The following ALDH1A2 variants were observed in gnomAD, a reference collection of about 807,000 sequenced individuals.
ALDH1A2 encodes the protein aldehyde dehydrogenase 1 family member A2.
Under a neutral mutation model 60.3 loss-of-function variants are expected in ALDH1A2, and 27 were observed. The observed-to-expected ratio is 0.45, with a 90% CI of 0.33 to 0.62. The LOEUF is 0.62. Ranked by LOEUF, ALDH1A2 falls within the 20% of genes least tolerant of loss-of-function variation. The pLI is 0.02. For missense variants in ALDH1A2, 581 were observed against 643.8 expected (o/e 0.90, Z 1.06); for synonymous variants, 289 against 232.4 (o/e 1.24, Z -2.21).
rs748689904 is a variant in ALDH1A2 at position 58,065,588 on chromosome 15, C to G, written c.63G>C (p.Ala21=). 25 of 1,612,886 alleles carry G rather than the reference C, an allele frequency of 1.6e-5. No homozygotes were observed. The highest frequency in any genetic ancestry group is 2.0e-5 in the Non-Finnish European group (24 of 1,179,440). Residue 21 remains alanine (A), a synonymous_variant, in exon 1 of 13, where the codon GCG becomes GCC. Transcript: ENST00000249750. ...EVKADPAALM[A]SLHLLPSPTP... is the part of the protein sequence containing the mutation. ...TGGGCGACGGCAGGAGGTGCAGCGA[C>G]GCCATGAGGGCGGCGGGGTCGGCCT...
At chr15:57,987,549 T>G (rs901762670) in intron 7 of ALDH1A2, among the ~76,000 whole-genome samples, 4 of 152,108 alleles carry the variant, frequency 2.6e-5, no homozygotes, top group African/African-American at 7.2e-5. Flanking sequence ...AACTGTCACA[T>G]TAGAATTTTA....
intron 3 of ALDH1A2, 106 bp from the exon 4 acceptor site, chr15:58,010,884 G>A: frequency 7.3e-7 from 1 of 1,378,986 alleles, no homozygotes; most frequent in Non-Finnish European, 1.0e-6. Context: ...AAATGCATAT[G>A]GAGTTGCATA....
At position 58,008,966 on chromosome 15, in the gene ALDH1A2, T is replaced by C. The variant is rs142277153; in HGVS notation, c.493+1683A>G. ...TAGAGTCAGAACTGAACTAAGATTC[T>C]GACTTTCCCCAAGGGCAATCTTCTC... On this transcript the variant is annotated intron_variant, in intron 4 of 12. Transcript: ENST00000249750. Among the ~76,000 whole-genome samples, 583 of 152,258 alleles carry C rather than the reference T, an allele frequency of 3.8e-3. 5 individuals carry two copies. Among genetic ancestry groups the C allele is most frequent in the African/African-American group, 0.013 (542 of 41,568 alleles).
At chr15:57,959,794 C>T (rs1248265779) in intron 12 of ALDH1A2, among the ~76,000 whole-genome samples, 1 of 152,142 alleles carries the variant, frequency 6.6e-6, no homozygotes, top group Non-Finnish European at 1.5e-5. Context: ...CCAAGCTATA[C>T]CTACTTTATA....
chr15:57,967,927 C>A (rs1234218088), intron 7 of ALDH1A2, among the ~76,000 whole-genome samples: 3 of 152,156 alleles, frequency 2.0e-5, no homozygotes, highest in Non-Finnish European at 2.9e-5. Context: ...GAAGGAGAAT[C>A]TGGCCCTCTC....
intron 8 of ALDH1A2, 47 bp from the exon 9 acceptor site, chr15:57,964,116 G>A (rs1180731958): frequency 2.5e-6 from 4 of 1,608,338 alleles, no homozygotes; most frequent in Non-Finnish European, 3.4e-6. Context: ...CTGGGGAGGG[G>A]CCTGTCTATG....
chr15:58,030,661 C>A (rs1362117806), intron 1 of ALDH1A2, among the ~76,000 whole-genome samples: 1 of 152,004 alleles, frequency 6.6e-6, no homozygotes, highest in Non-Finnish European at 1.5e-5. Flanking sequence ...AGCCCAAAAT[C>A]TCCTTAATAG....
chr15:58,021,112 A>G (rs1410049891), intron 1 of ALDH1A2, among the ~76,000 whole-genome samples: 1 of 152,016 alleles, frequency 6.6e-6, no homozygotes, highest in African/African-American at 2.4e-5. Context: ...GCTCTCAACT[A>G]TATCTTTATT....
intron 1 of ALDH1A2, among the ~76,000 whole-genome samples, chr15:58,055,849 T>C (rs996150799): frequency 1.3e-5 from 2 of 152,102 alleles, no homozygotes; most frequent in African/African-American, 2.4e-5. Context: ...TTCTCTTCAC[T>C]AACAGGATGA....
At chr15:58,058,469 A>T (rs1245190271) in intron 1 of ALDH1A2, among the ~76,000 whole-genome samples, 3 of 36,792 alleles carry the variant, frequency 8.2e-5, no homozygotes, top group African/African-American at 1.8e-4. Context: ...AATGATATTC[A>T]AAAAAAAAAA....
At chr15:58,019,306 A>C (rs1895862624) in intron 1 of ALDH1A2, among the ~76,000 whole-genome samples, 1 of 152,046 alleles carries the variant, frequency 6.6e-6, no homozygotes, top group African/African-American at 2.4e-5. Flanking sequence ...AAAATAAGCC[A>C]CTCAAGCTCT....
In ALDH1A2 at chr15:57,953,870, T is replaced by C. The variant is rs1333452079; in HGVS notation, c.*1327A>G. ...GGATTGGATTTGACAGCTGGAAAGATGGAAGAAGGGATGGAAGAAGGAAAG... is the reference window on the plus strand; with the variant it reads ...GGATTGGATTTGACAGCTGGAAAGACGGAAGAAGGGATGGAAGAAGGAAAG... On this transcript the variant is annotated 3_prime_UTR_variant, in exon 13 of 13. Coordinates refer to ENST00000249750, the MANE Select transcript of ALDH1A2 (RefSeq NM_003888.4). 1 of 152,334 alleles carries C rather than the reference T, an allele frequency of 6.6e-6. No homozygotes were observed. The highest frequency in any genetic ancestry group is 1.5e-5 in the Non-Finnish European group (1 of 68,044). The allele number at this position is 152,334 out of a possible 1,614,324, so 9.4% of individuals were successfully genotyped here.
At chr15:57,993,879 G>T (rs1377291479) in intron 5 of ALDH1A2, among the ~76,000 whole-genome samples, 1 of 152,186 alleles carries the variant, frequency 6.6e-6, no homozygotes, top group East Asian at 1.9e-4. Context: ...CATCTCAGCT[G>T]CCATCCTTCA....
intron 7 of ALDH1A2, among the ~76,000 whole-genome samples, chr15:57,976,759 T>C (rs1193038946): frequency 2.0e-5 from 3 of 152,186 alleles, no homozygotes; most frequent in Non-Finnish European, 4.4e-5. Flanking sequence ...GAATGACTTA[T>C]AATCCTTTGG....
intron 1 of ALDH1A2, among the ~76,000 whole-genome samples, chr15:58,049,175 T>A (rs1214697414): frequency 6.6e-6 from 1 of 152,112 alleles, no homozygotes; most frequent in African/African-American, 2.4e-5. Context: ...TGAAGAGTAT[T>A]CCATGTTAGG....
intron 1 of ALDH1A2, among the ~76,000 whole-genome samples, chr15:58,049,445 T>C (rs1364078316): frequency 1.3e-5 from 2 of 152,144 alleles, no homozygotes; most frequent in African/African-American, 4.8e-5. Flanking sequence ...CCTAACATAG[T>C]ATGCACTGAG....
chr15:58,039,556 C>G (rs755763008), intron 1 of ALDH1A2, among the ~76,000 whole-genome samples: 2 of 151,770 alleles, frequency 1.3e-5, no homozygotes, highest in Non-Finnish European at 2.9e-5. Context: ...GGGAGTTTTA[C>G]AATGTAATTC....
At chr15:57,991,409 A>C (rs1240602216) in intron 7 of ALDH1A2, 2 of 152,236 alleles carry the variant, frequency 1.3e-5, no homozygotes, top group Non-Finnish European at 2.9e-5. Flanking sequence ...AAACTCAGTA[A>C]TCTAACTGAA....
At chr15:57,982,402 A>C (rs1459568334) in intron 7 of ALDH1A2, among the ~76,000 whole-genome samples, 17 of 152,210 alleles carry the variant, frequency 1.1e-4, no homozygotes, top group African/African-American at 4.1e-4. Context: ...TTACTGAAAA[A>C]GTGATGATTT....
Sources: gnomAD v4.1 joint callset for allele counts (sites outside exome capture counted in the v4.1 genomes callset) on GRCh38, gnomAD v4.1.1 for gene constraint, MANE v1.5 for transcripts, NCBI Gene and HGNC (gene_info 2026-07-23, HGNC 2026-07-21) for gene names.